The following MED25 variants were observed in gnomAD, a reference collection of about 807,000 sequenced individuals.
The protein encoded by MED25 is mediator of RNA polymerase II transcription subunit 25.
In MED25, 62 loss-of-function variants were observed where a neutral mutation model predicts 89.4. The ratio of observed to expected loss-of-function variants is 0.69; its 90% CI spans 0.57 to 0.86. The LOEUF (loss-of-function observed/expected upper bound fraction) is 0.86, where lower values mean the gene tolerates loss of function less well. Among genes scored for constraint, MED25 ranks in the 40% least tolerant of loss-of-function variants. The pLI is 0.00. For missense variants in MED25, 905 were observed against 1,005.2 expected (o/e 0.90, Z 1.35); for synonymous variants, 449 against 427.9 (o/e 1.05, Z -0.61).
intron 3 of MED25, chr19:49,819,641 C>G (rs2073968375): frequency 2.8e-6 from 1 of 356,148 alleles, no homozygotes; most frequent in South Asian, 2.2e-5. Context: ...TAGGAAAAAC[C>G]TTCCCATTCA....
chr19:49,818,803 G>A, intron 2 of MED25, 187 bp downstream of exon 2: 4 of 653,846 alleles, frequency 6.1e-6, no homozygotes, highest in South Asian at 3.7e-5. Flanking sequence ...GGGTGGAGGC[G>A]CTGGGGCCCG....
intron 3 of MED25, chr19:49,819,656 G>A: frequency 2.8e-6 from 1 of 352,966 alleles, no homozygotes; most frequent in Middle Eastern, 1.0e-3. Context: ...CATTCAGGGA[G>A]GCCTGGCTGA....
At chr19:49,824,695 ATGTT>A (rs1457552387) in intron 3 of MED25, among the ~76,000 whole-genome samples, 1 of 152,170 alleles carries the variant, frequency 6.6e-6, no homozygotes, top group East Asian at 1.9e-4. Context: ...AATTCAACAA[ATGTT>A]TGTGGAACAA....
chr19:49,824,587 GAAA>G (rs71180656), intron 3 of MED25, among the ~76,000 whole-genome samples: 1 of 122,954 alleles, frequency 8.1e-6, no homozygotes, highest in African/African-American at 3.0e-5. Context: ...CCTGTCTCGG[GAAA>G]AAAAAAAAAA....
At position 49,836,603 on chromosome 19, in the gene MED25, G is replaced by A. The variant is rs920283753; in HGVS notation, c.2146+197G>A. 16 of 764,636 alleles carry A rather than the reference G, an allele frequency of 2.1e-5. No homozygotes were observed. Among genetic ancestry groups the A allele is most frequent in the African/African-American group, 6.9e-5 (4 of 58,128 alleles). 47.4% of individuals were successfully genotyped at this position (764,636 alleles called of 1,614,324 possible). ...TCCAAGGACCTAGTGGGTTAAGAGC[G>A]TTTCCCATGATCCTCCTGTGTGTGC... On this transcript the variant is annotated intron_variant, in intron 17 of 17. Coordinates refer to ENST00000312865, the MANE Select transcript of MED25 (RefSeq NM_030973.4). This position sits in a 1 kb window ranked among gnomAD's most constrained non-coding sequence, Gnocchi z 5.1.
At position 49,828,364 on chromosome 19, in the gene MED25, G is replaced by A. The variant is rs1055074293; in HGVS notation, c.306-85G>A. On this transcript the variant is annotated intron_variant, in intron 3 of 17. Coordinates refer to ENST00000312865, the MANE Select transcript of MED25 (RefSeq NM_030973.4). Reference sequence around the variant, plus strand: ...GGTGCATAGCCCAGGATAGAGTGGGGGACAGCATGGGAGCAGGCTCTTCAA... The same window carrying A: ...GGTGCATAGCCCAGGATAGAGTGGGAGACAGCATGGGAGCAGGCTCTTCAA... 6 of 917,240 alleles carry A rather than the reference G, an allele frequency of 6.5e-6. No individual in the cohort carries two copies. In the African/African-American group the frequency reaches 8.1e-5, roughly 12 times the overall value. 56.8% of individuals were successfully genotyped at this position (917,240 alleles called of 1,614,324 possible). A position where few individuals can be genotyped will look rare whatever the true frequency, so the allele number is the denominator to read the frequency against.
At position 49,836,481 on chromosome 19, in the gene MED25, A is replaced by C; in HGVS notation, c.2146+75A>C. 6.7e-7 allele frequency: 1 copy of C among 1,493,858 alleles called. No homozygotes were observed. The highest frequency in any genetic ancestry group is 9.1e-7 in the Non-Finnish European group (1 of 1,095,164). 92.5% of individuals were successfully genotyped at this position (1,493,858 alleles called of 1,614,324 possible). Reference sequence around the variant, plus strand: ...CTCCTGGGCTAGAGCACCAAGACCGAGTGCTCCTGGGAAGTAAAGACATAG... The same window carrying C: ...CTCCTGGGCTAGAGCACCAAGACCGCGTGCTCCTGGGAAGTAAAGACATAG... On this transcript the variant is annotated intron_variant, in intron 17 of 17. Coordinates refer to ENST00000312865, the MANE Select transcript of MED25 (RefSeq NM_030973.4). This position sits in a 1 kb window ranked among gnomAD's most constrained non-coding sequence, Gnocchi z 5.1.
chr19:49,831,658 A>G lies in MED25; in HGVS notation c.1230+197A>G, dbSNP rs375374193. Among the ~76,000 whole-genome samples, 2 of 152,118 alleles carry G rather than the reference A, an allele frequency of 1.3e-5. No homozygotes were observed. Among genetic ancestry groups the G allele is most frequent in the South Asian group, 2.1e-4 (1 of 4,830 alleles). On this transcript the variant is annotated intron_variant, in intron 10 of 17. Transcript: ENST00000312865. This position sits in a 1 kb window ranked among gnomAD's most constrained non-coding sequence, Gnocchi z 5.0. ...ACTTGCGGTACAGAGGAGAGTCCCC[A>G]TGCAAAGAACCCAGAAAAGCCCAGG...
Position 49,831,300 on chromosome 19 carries a change from A to C in MED25, c.1102-33A>C. ...CCCCCGGAGGCTCCCGGCCTTCCCC[A>C]TTCTCATGGCCCTCCTTCCTCCCCT... On this transcript the variant is annotated intron_variant, in intron 9 of 17. Transcript: ENST00000312865. The surrounding 1 kb of genome is among the most constrained non-coding windows in gnomAD (Gnocchi z 5.0). The C allele has an allele frequency of 6.2e-7, 1 of 1,603,840 alleles. No individual in the cohort carries two copies.
Position 49,830,190 on chromosome 19 carries a change from C to G in MED25, c.791C>G (p.Pro264Arg). 1 of 1,607,026 alleles carries G rather than the reference C, an allele frequency of 6.2e-7. No homozygotes were observed. Among genetic ancestry groups the G allele is most frequent in the Non-Finnish European group, 8.5e-7 (1 of 1,175,386 alleles). ...ACTCTCTCAGCAGCCCCCCAGCAGC[C>G]TCTGCCCCCCGTCCCCCCGCAGTAC... is the stretch of plus-strand genomic sequence containing the variant. ...GATLSAAPQQ[P>R]LPPVPPQYQV... Residue 264 changes from proline to arginine, a missense_variant, in exon 7 of 18, where the codon CCT (proline) becomes CGT (arginine). Pro to Arg is a moderately radical substitution (Grantham distance 103, BLOSUM62 -2). Coordinates refer to ENST00000312865, the MANE Select transcript of MED25 (RefSeq NM_030973.4). This position sits in a 1 kb window ranked among gnomAD's most constrained non-coding sequence, Gnocchi z 4.6.
At position 49,835,040 on chromosome 19, in the gene MED25, C is replaced by G; in HGVS notation, c.1537C>G (p.Leu513Val). The G allele has an allele frequency of 1.2e-6, 2 of 1,614,120 alleles. No individual in the cohort carries two copies. The highest frequency in any genetic ancestry group is 1.7e-6 in the Non-Finnish European group (2 of 1,180,000). ...TAPCEVRVLMLLYSSKKKIFM... is the reference protein window; with the variant it reads ...TAPCEVRVLMVLYSSKKKIFM... ...GCCCTGTGAGGTGCGCGTGCTCATGCTCCTGTACTCGTCCAAGAAGAAGAT... is the reference window on the plus strand; with the variant it reads ...GCCCTGTGAGGTGCGCGTGCTCATGGTCCTGTACTCGTCCAAGAAGAAGAT... The change falls in exon 14 of 18, where the codon CTC becomes GTC. Residue 513 changes from leucine to valine, a missense_variant. Around this residue, in one of 3 missense-constraint regions of MED25, gnomAD observed 133 missense variants for 220.2 expected, o/e 0.60. Coordinates refer to ENST00000312865, the MANE Select transcript of MED25 (RefSeq NM_030973.4). This position sits in a 1 kb window ranked among gnomAD's most constrained non-coding sequence, Gnocchi z 6.2.
Position 49,835,737 on chromosome 19 carries a change from G to C in MED25, c.1757G>C (p.Arg586Pro), listed in dbSNP as rs1184393042. 1 of 1,609,620 alleles carries C rather than the reference G, an allele frequency of 6.2e-7. No homozygotes were observed. Among genetic ancestry groups the C allele is most frequent in the Non-Finnish European group, 8.5e-7 (1 of 1,178,604 alleles). Residue 586 changes from arginine (R) to proline (P), a missense_variant, in exon 16 of 18, where the codon CGC (arginine) becomes CCC (proline). Physicochemically the swap from Arg to Pro is moderately radical, Grantham distance 103. This residue lies in a region of MED25 where 271 missense variants were observed against 258.1 expected (regional missense o/e 1.05). Transcript: ENST00000312865. This position sits in a 1 kb window ranked among gnomAD's most constrained non-coding sequence, Gnocchi z 6.2. ...ARPSQNLLQL[R>P]PPQPQPQGTV... ...GTCTCTTCCCACCAGCTCCAGCTCC[G>C]CCCACCGCAGCCCCAGCCTCAGGGT...
chr19:49,819,138 C>T, intron 2 of MED25, 34 bp from the exon 3 acceptor site: 1 of 1,613,682 alleles, frequency 6.2e-7, no homozygotes, highest in African/African-American at 1.3e-5. Context: ...GAATTGAGGT[C>T]CCAGATTAAA....
chr19:49,838,124 A>G (rs1434209515), downstream of MED25, among the ~76,000 whole-genome samples: 1 of 152,180 alleles, frequency 6.6e-6, no homozygotes, highest in African/African-American at 2.4e-5. Flanking sequence ...CAGCATCCAC[A>G]TCATTTTGCA....
At position 49,818,338 on chromosome 19, in the gene MED25, G is replaced by A. The variant is rs2073952598; in HGVS notation, c.-4G>A. The A allele has an allele frequency of 1.3e-6, 2 of 1,581,880 alleles. No individual in the cohort carries two copies. Among genetic ancestry groups the A allele is most frequent in the Non-Finnish European group, 1.7e-6 (2 of 1,163,614 alleles). ...CAGTGGTGGTGGCGGGTACCGCACG[G>A]GGTATGGTCCCCGGGTCCGAGGGCC... On this transcript the variant is annotated 5_prime_UTR_variant, in exon 1 of 18. Coordinates refer to ENST00000312865, the MANE Select transcript of MED25 (RefSeq NM_030973.4).
At chr19:49,833,087 A>T (rs2074070887) in intron 13 of MED25, 1 of 154,154 alleles carries the variant, frequency 6.5e-6, no homozygotes, top group African/African-American at 2.4e-5. Context: ...GGTGCTGGGG[A>T]CTGGAACCTC....
At chr19:49,818,525 C>T (rs369775276) in intron 1 of MED25, 46 bp from the exon 2 acceptor site, 10 of 1,613,226 alleles carry the variant, frequency 6.2e-6, no homozygotes, top group African/African-American at 4.0e-5. Context: ...TTCAGTTTCG[C>T]ACAGTTTCTT....
intron 3 of MED25, among the ~76,000 whole-genome samples, chr19:49,821,395 C>T (rs2123865535): frequency 6.6e-6 from 1 of 152,344 alleles, no homozygotes; most frequent in East Asian, 1.9e-4. Context: ...TCAAGCGATC[C>T]TCCCATCTCA....
At position 49,836,443 on chromosome 19, in the gene MED25, A is replaced by T. The variant is rs1277923572; in HGVS notation, c.2146+37A>T. The stretch of plus-strand genomic sequence containing the variant: ...CGGGGGAGGGCAGAGGTCTGGACTG[A>T]GTGTCCCAGCAGCTCCTGGGCTAGA... On this transcript the variant is annotated intron_variant, in intron 17 of 17. Transcript: ENST00000312865. The surrounding 1 kb of genome is among the most constrained non-coding windows in gnomAD (Gnocchi z 5.1). 3.9e-6 allele frequency: 6 copies of T among 1,557,994 alleles called. No homozygotes were observed. Among genetic ancestry groups the T allele is most frequent in the Non-Finnish European group, 5.2e-6 (6 of 1,149,930 alleles).
Sources: allele counts gnomAD v4.1 joint callset (sites outside exome capture counted in the v4.1 genomes callset), GRCh38; gene constraint gnomAD v4.1.1; regional missense constraint gnomAD v4.1.1; non-coding constraint Gnocchi (gnomAD v3.1); transcripts MANE v1.5; gene names NCBI Gene and HGNC (gene_info 2026-07-23, HGNC 2026-07-21).